TVP23C: variants seen among roughly 807,000 people sequenced by gnomAD.
The protein encoded by TVP23C is trans-golgi network vesicle protein 23 homolog C, also known as Golgi apparatus membrane protein TVP23 homolog C.
A neutral mutation model predicts 28.7 loss-of-function variants in TVP23C; 19 were observed. The observed-to-expected ratio is 0.66, with a 90% confidence interval of 0.46 to 0.97. TVP23C has a LOEUF of 0.97. Ranked by LOEUF, TVP23C falls within the 50% of genes least tolerant of loss-of-function variation. The pLI is 0.00. For missense variants in TVP23C, 186 were observed against 241.3 expected (o/e 0.77, Z 1.52); for synonymous variants, 68 against 81.7 (o/e 0.83, Z 0.90).
rs1325902562 is a variant in TVP23C, at chr17:15,539,900, T to C, written c.*512A>G. On this transcript the variant is annotated 3_prime_UTR_variant, in exon 6 of 6. Coordinates refer to ENST00000518321, the MANE Select transcript of TVP23C (RefSeq NM_001135036.2). The stretch of plus-strand genomic sequence containing the variant: ...CAAGGTCATGAGATGGAGACCATCC[T>C]GGCTAACATGATGAAATCCCATCTC... The C allele has an allele frequency of 2.9e-6, 2 of 700,778 alleles. No individual in the cohort carries two copies. Among genetic ancestry groups the C allele is most frequent in the African/African-American group, 1.9e-5 (1 of 51,584 alleles). 43.4% of individuals were successfully genotyped at this position (700,778 alleles called of 1,614,324 possible). A position where few individuals can be genotyped will look rare whatever the true frequency, so the allele number is the denominator to read the frequency against.
rs1304341036 is a variant in TVP23C, at chr17:15,548,237, G to A, written c.241-1089C>T. Among the ~76,000 whole-genome samples, 3 of 152,200 alleles carry A rather than the reference G, an allele frequency of 2.0e-5. No individual in the cohort carries two copies. The East Asian group carries it at 5.8e-4, about 29-fold the overall frequency. On this transcript the variant is annotated intron_variant, in intron 3 of 5. Transcript: ENST00000518321. ...GCTGGCATGCAACGGGGCGATCTCA[G>A]CTCACCACAACCTCTGCCTCCCGGG...
At chr17:15,541,460 G>A (rs971799317) in intron 5 of TVP23C, among the ~76,000 whole-genome samples, 12 of 152,046 alleles carry the variant, frequency 7.9e-5, no homozygotes, top group African/African-American at 2.4e-4. Flanking sequence ...AACAGGTGTC[G>A]GGCTGGATTT....
rs148137421 is a variant in TVP23C at position 15,557,465 on chromosome 17, A to G, written c.13-2101T>C. Among the ~76,000 whole-genome samples, 697 of 147,914 alleles carry G rather than the reference A, an allele frequency of 4.7e-3. 17 individuals carry two copies. The highest frequency in any genetic ancestry group is 0.024 in the Middle Eastern group (7 of 288). The stretch of plus-strand genomic sequence containing the variant: ...GTGTCTCGGCTAATTAGCCTGGCTA[A>G]TTTTTGTAATTTTAGAAGAGACAGA... On this transcript the variant is annotated intron_variant, in intron 1 of 5. Coordinates refer to ENST00000518321, the MANE Select transcript of TVP23C (RefSeq NM_001135036.2).
chr17:15,540,273 T>C lies in TVP23C; in HGVS notation c.*139A>G. 1.5e-6 allele frequency: 2 copies of C among 1,331,578 alleles called. No individual in the cohort carries two copies. The highest frequency in any genetic ancestry group is 2.0e-6 in the Non-Finnish European group (2 of 1,023,384). 82.5% of individuals were successfully genotyped at this position (1,331,578 alleles called of 1,614,324 possible). A position where few individuals can be genotyped will look rare whatever the true frequency, so the allele number is the denominator to read the frequency against. On this transcript the variant is annotated 3_prime_UTR_variant, in exon 6 of 6. Coordinates refer to ENST00000518321, the MANE Select transcript of TVP23C (RefSeq NM_001135036.2). Reference sequence around the variant, plus strand: ...GGATACTGACAATACACTTCCAGACTGTCTTGAACACCCCCAAAGAGCAAT... The same window carrying C: ...GGATACTGACAATACACTTCCAGACCGTCTTGAACACCCCCAAAGAGCAAT...
chr17:15,554,057 C>A (rs1028832655), intron 2 of TVP23C, among the ~76,000 whole-genome samples: 10 of 152,178 alleles, frequency 6.6e-5, no homozygotes, highest in Non-Finnish European at 1.5e-4. Flanking sequence ...ATGACTTTAA[C>A]ACCTCATTGA....
chr17:15,518,167 C>CAAAAAAAAAAAAAAAAAAAAAAAAAAA (rs895582466), intron 5 of TVP23C, among the ~76,000 whole-genome samples: 1 of 54,300 alleles, frequency 1.8e-5, no homozygotes, highest in African/African-American at 5.8e-5. Flanking sequence ...GACTCCATCT[C>CAAAAAAAAAAAAAAAAAAAAAAAAAAA]AAAAAAAAAA....
chr17:15,541,378 C>T (rs904699005), intron 5 of TVP23C, among the ~76,000 whole-genome samples: 9 of 152,164 alleles, frequency 5.9e-5, no homozygotes, highest in African/African-American at 1.9e-4. Context: ...CTCAACTCTG[C>T]TGTTCTAATC....
intron 3 of TVP23C, among the ~76,000 whole-genome samples, chr17:15,552,192 G>C (rs1370379299): frequency 6.6e-6 from 1 of 152,170 alleles, no homozygotes. Context: ...AAAGAAACGT[G>C]TATCAAAACT....
chr17:15,553,337 C>G (rs373741476), intron 3 of TVP23C, among the ~76,000 whole-genome samples: 18 of 151,618 alleles, frequency 1.2e-4, no homozygotes, highest in East Asian at 1.2e-3. Context: ...ATACAACACA[C>G]CTACAGGTAA....
intron 1 of TVP23C, among the ~76,000 whole-genome samples, chr17:15,557,579 G>A (rs1052647864): frequency 6.7e-5 from 10 of 148,500 alleles, no homozygotes; most frequent in African/African-American, 2.4e-4. Flanking sequence ...GATTATAGGT[G>A]TGAGCCACCA....
chr17:15,512,720 T>C (rs1329245422), intron 5 of TVP23C, among the ~76,000 whole-genome samples: 4 of 152,222 alleles, frequency 2.6e-5, no homozygotes, highest in South Asian at 2.1e-4. Flanking sequence ...ATTACAGATA[T>C]ATAGTTCAGA....
At chr17:15,505,518 A>C (rs1157932214) in intron 5 of TVP23C, among the ~76,000 whole-genome samples, 1 of 152,056 alleles carries the variant, frequency 6.6e-6, no homozygotes, top group Non-Finnish European at 1.5e-5. Flanking sequence ...CATACTATTG[A>C]GAGGTGACAG....
At chr17:15,509,231 C>T (rs1981899692) in intron 5 of TVP23C, among the ~76,000 whole-genome samples, 1 of 152,172 alleles carries the variant, frequency 6.6e-6, no homozygotes, top group Non-Finnish European at 1.5e-5. Context: ...CAACCTCTAA[C>T]AGAGGGAGGC....
At chr17:15,556,068 C>T (rs1464335506) in intron 1 of TVP23C, among the ~76,000 whole-genome samples, 1 of 152,148 alleles carries the variant, frequency 6.6e-6, no homozygotes, top group Non-Finnish European at 1.5e-5. Context: ...AGGCGTGTGC[C>T]ACCACACCCA....
intron 5 of TVP23C, among the ~76,000 whole-genome samples, chr17:15,529,859 T>C (rs965049371): frequency 2.2e-4 from 34 of 152,252 alleles, no homozygotes; most frequent in African/African-American, 7.9e-4. Flanking sequence ...AGTCCAGTGG[T>C]GTGATCTCAG....
At chr17:15,556,542 T>C (rs1984140763) in intron 1 of TVP23C, among the ~76,000 whole-genome samples, 1 of 152,124 alleles carries the variant, frequency 6.6e-6, no homozygotes, top group Non-Finnish European at 1.5e-5. Flanking sequence ...TTTGTATTTT[T>C]TTAGTAGAGA....
In TVP23C at chr17:15,538,823, T is replaced by C; in HGVS notation, c.*1589A>G. On this transcript the variant is annotated 3_prime_UTR_variant, in exon 6 of 6. Transcript: ENST00000518321. ...TAACGAAAAAAACCTAATAAGCACATACATGAAAGTTACCCTAAGGTGGAC... is the reference window on the plus strand; with the variant it reads ...TAACGAAAAAAACCTAATAAGCACACACATGAAAGTTACCCTAAGGTGGAC... 1.0e-6 allele frequency: 1 copy of C among 985,318 alleles called. No homozygotes were observed. The highest frequency in any genetic ancestry group is 1.2e-6 in the Non-Finnish European group (1 of 829,908). 61.0% of individuals were successfully genotyped at this position (985,318 alleles called of 1,614,324 possible).
At chr17:15,503,000 T>A in exon 6 of TVP23C, 1 of 1,614,156 alleles carries the variant, frequency 6.2e-7, no homozygotes, top group East Asian at 2.2e-5. Context: ...CTGTTGGCAG[T>A]TGCCTGGAGC....
In TVP23C at chr17:15,553,726, T is replaced by G; in HGVS notation, c.199A>C (p.Thr67Pro). 1 of 1,613,544 alleles carries G rather than the reference T, an allele frequency of 6.2e-7. No homozygotes were observed. Among genetic ancestry groups the G allele is most frequent in the South Asian group, 1.1e-5 (1 of 90,808 alleles). Reference sequence around the variant, plus strand: ...TCACACGACAACAACAAGATAATTGTAACCATACAGGTAATAAAGCTGCTG... The same window carrying G: ...TCACACGACAACAACAAGATAATTGGAACCATACAGGTAATAAAGCTGCTG... The part of the protein sequence containing the change: ...LSSSFITCMV[T>P]IILLLSCDFW... Residue 67 changes from threonine to proline, a missense_variant, in exon 3 of 6, where the codon ACA becomes CCA. Physicochemically the swap from Thr to Pro is conservative, Grantham distance 38 (BLOSUM62 -1). Transcript: ENST00000518321.
Sources: gnomAD v4.1 joint callset for allele counts (sites outside exome capture counted in the v4.1 genomes callset) on GRCh38, gnomAD v4.1.1 for gene constraint, MANE v1.5 for transcripts, NCBI Gene and HGNC (gene_info 2026-07-23, HGNC 2026-07-21) for gene names.